Variants in ZC3H7A observed in about 807,000 individuals in gnomAD.
ZC3H7A encodes zinc finger CCCH domain-containing protein 7A.
A neutral mutation model predicts 125.5 loss-of-function variants in ZC3H7A; 44 were observed. The ratio of observed to expected loss-of-function variants is 0.35; its 90% confidence interval spans 0.28 to 0.45. ZC3H7A has a LOEUF of 0.45. Among genes scored for constraint, ZC3H7A ranks in the 20% least tolerant of loss-of-function variants. The pLI is 1.00. For missense variants in ZC3H7A, 977 were observed against 1,170.7 expected, an observed-to-expected ratio of 0.83 and a Z score of 2.41; for synonymous variants, 399 against 391.2, an observed-to-expected ratio of 1.02 and a Z score of -0.23.
intron 1 of ZC3H7A, among the ~76,000 whole-genome samples, chr16:11,790,241 T>C (rs947596956): frequency 2.0e-5 from 3 of 152,138 alleles, no homozygotes; most frequent in Admixed American, 2.0e-4. Context: ...TGTGCATCCT[T>C]GTGAACCAAA....
At position 11,765,231 on chromosome 16, in the gene ZC3H7A, T is replaced by C; in HGVS notation, c.1720-78A>G. On this transcript the variant is annotated intron_variant, in intron 14 of 22. Coordinates refer to ENST00000355758, the MANE Select transcript of ZC3H7A (RefSeq NM_014153.4). The surrounding 1 kb of genome is among the most constrained non-coding windows in gnomAD (Gnocchi z 4.8). ...ACCCAGAATATTGTCCTAGTTTCAATATCATTACAAAATTAATATTCAATA... is the reference window on the plus strand; with the variant it reads ...ACCCAGAATATTGTCCTAGTTTCAACATCATTACAAAATTAATATTCAATA... 1.1e-6 allele frequency: 1 copy of C among 928,448 alleles called. No homozygotes were observed. Among genetic ancestry groups the C allele is most frequent in the Non-Finnish European group, 1.5e-6 (1 of 645,282 alleles). 57.5% of individuals were successfully genotyped at this position (928,448 alleles called of 1,614,324 possible).
At chr16:11,769,994 C>T (rs1003391740) in intron 10 of ZC3H7A, among the ~76,000 whole-genome samples, 2 of 151,336 alleles carry the variant, frequency 1.3e-5, no homozygotes, top group Non-Finnish European at 2.9e-5. Flanking sequence ...ACCATGTTGC[C>T]CAGGCTGGTC....
chr16:11,772,877 TG>T (rs752378398), intron 9 of ZC3H7A, among the ~76,000 whole-genome samples: 1 of 151,770 alleles, frequency 6.6e-6, no homozygotes, highest in Non-Finnish European at 1.5e-5. Flanking sequence ...TTGTGATTTT[TG>T]GTAGAGGCAG....
intron 19 of ZC3H7A, 44 bp downstream of exon 19, chr16:11,761,362 A>G (rs756361584): frequency 6.4e-7 from 1 of 1,553,818 alleles, no homozygotes; most frequent in Admixed American, 1.7e-5. Flanking sequence ...TAATGATTTG[A>G]AATGCCTAAT....
In ZC3H7A at chr16:11,770,892, C is replaced by T. The variant is rs2052967682; in HGVS notation, c.999G>A (p.Ala333=). ...ASLLGTLPIG[A]RYAPPPSFSE... is the part of the protein sequence containing the mutation. ...AGAAGGAGGGTGGAGGAGCATACCT[C>T]GCACCAATGGGTAAGGTTCCTAACA... is the stretch of plus-strand genomic sequence containing the variant. Residue 333 remains alanine (A), a synonymous_variant, in exon 10 of 23, where the codon GCG becomes GCA. Transcript: ENST00000355758. The T allele has an allele frequency of 3.1e-6, 5 of 1,614,118 alleles. No homozygotes were observed. The highest frequency in any genetic ancestry group is 3.4e-6 in the Non-Finnish European group (4 of 1,180,012).
intron 3 of ZC3H7A, 46 bp from the exon 4 acceptor site, chr16:11,779,409 T>A: frequency 6.4e-7 from 1 of 1,550,584 alleles, no homozygotes; most frequent in East Asian, 2.2e-5. Flanking sequence ...TCAAACAAGA[T>A]ATGGTATAAG....
At chr16:11,757,653 T>G (rs923460909) in intron 20 of ZC3H7A, among the ~76,000 whole-genome samples, 1 of 152,146 alleles carries the variant, frequency 6.6e-6, no homozygotes, top group African/African-American at 2.4e-5. Context: ...TGCTTCTTCC[T>G]TAAGACCAGT....
chr16:11,786,531 C>T (rs533508845), intron 1 of ZC3H7A, among the ~76,000 whole-genome samples: 24 of 152,282 alleles, frequency 1.6e-4, no homozygotes, highest in Non-Finnish European at 2.1e-4. Flanking sequence ...CCTTGAACCT[C>T]AACCTTATAC....
rs1020931870 is a variant in ZC3H7A, at chr16:11,767,662, AGAT to A, written c.1361-87_1361-85del. On this transcript the variant is annotated intron_variant, in intron 12 of 22. Coordinates refer to ENST00000355758, the MANE Select transcript of ZC3H7A (RefSeq NM_014153.4). ...GGTAAATTTACAAGCAGACATGAAC[AGAT>A]GAACATCAATTATTAAATTCCCACA... 22 of 1,285,238 alleles carry A rather than the reference AGAT, an allele frequency of 1.7e-5. No homozygotes were observed. In the African/African-American group the frequency reaches 3.2e-4, roughly 19 times the overall value. The allele number at this position is 1,285,238 out of a possible 1,614,324, so 79.6% of individuals were successfully genotyped here.
intron 19 of ZC3H7A, among the ~76,000 whole-genome samples, chr16:11,760,137 A>AGAAAAAAAAAAAAAAG (rs1250974600): frequency 7.3e-6 from 1 of 137,640 alleles, no homozygotes; most frequent in Non-Finnish European, 1.6e-5. Flanking sequence ...AAAAAAAAAA[A>AGAAAAAAAAAAAAAAG]AAAAAAAAGA....
intron 1 of ZC3H7A, among the ~76,000 whole-genome samples, chr16:11,783,200 C>T (rs1163558493): frequency 6.6e-6 from 1 of 152,132 alleles, no homozygotes; most frequent in African/African-American, 2.4e-5. Flanking sequence ...TTTTGTCCCA[C>T]AAACTTCCAA....
At position 11,752,746 on chromosome 16, in the gene ZC3H7A, C is replaced by T. The variant is rs761453940; in HGVS notation, c.2649G>A (p.Glu883=). The T allele has an allele frequency of 4.3e-6, 7 of 1,614,074 alleles. No individual in the cohort carries two copies. The African/African-American group carries it at 9.3e-5, about 22-fold the overall frequency. Reference sequence around the variant, plus strand: ...GGTCGTCCTCGGTGTGGAAAACCTTCTCTTTGTGCTTCTCGGAGGAGATGT... The same window carrying T: ...GGTCGTCCTCGGTGTGGAAAACCTTTTCTTTGTGCTTCTCGGAGGAGATGT... ...QGHISSEKHK[E]KVFHTEDDQY... is the part of the protein sequence containing the mutation. Residue 883 remains glutamate (E), a synonymous_variant, in exon 22 of 23, where the codon GAG becomes GAA. Transcript: ENST00000355758.
At chr16:11,764,950 C>T (rs550622422) in intron 15 of ZC3H7A, 103 bp downstream of exon 15, 9 of 729,718 alleles carry the variant, frequency 1.2e-5, no homozygotes, top group East Asian at 3.1e-5. Context: ...AACAACATAA[C>T]GATGAAAGGG....
chr16:11,762,859 C>A, intron 16 of ZC3H7A, 112 bp from the exon 17 acceptor site: 1 of 913,934 alleles, frequency 1.1e-6, no homozygotes, highest in East Asian at 2.5e-5. Flanking sequence ...TCTCATACCT[C>A]CTAATCCATC....
At chr16:11,764,464 G>C (rs1426571175) in intron 15 of ZC3H7A, among the ~76,000 whole-genome samples, 3 of 151,960 alleles carry the variant, frequency 2.0e-5, no homozygotes, top group African/African-American at 7.3e-5. Context: ...CAGGAGAATC[G>C]CTTGAACTCG....
At chr16:11,794,033 C>A (rs1226793580) in intron 1 of ZC3H7A, among the ~76,000 whole-genome samples, 1 of 152,220 alleles carries the variant, frequency 6.6e-6, no homozygotes, top group Admixed American at 6.5e-5. Flanking sequence ...CCCTCGGCAC[C>A]CACGCCCTGC....
chr16:11,795,373 G>A (rs2053420195), intron 1 of ZC3H7A, among the ~76,000 whole-genome samples: 1 of 152,220 alleles, frequency 6.6e-6, no homozygotes, highest in Non-Finnish European at 1.5e-5. Context: ...GCGCTGTCCA[G>A]TCGAAATATT....
At chr16:11,758,054 C>T (rs1025866473) in intron 20 of ZC3H7A, among the ~76,000 whole-genome samples, 1 of 152,110 alleles carries the variant, frequency 6.6e-6, no homozygotes, top group African/African-American at 2.4e-5. Flanking sequence ...AAGAAACTGC[C>T]AATTCTAACC....
intron 15 of ZC3H7A, among the ~76,000 whole-genome samples, chr16:11,764,112 T>C (rs1366485448): frequency 2.0e-5 from 3 of 151,950 alleles, no homozygotes; most frequent in Non-Finnish European, 2.9e-5. Context: ...TAAATTTTTA[T>C]CGGAAAAAAA....
Sources: allele counts gnomAD v4.1 joint callset (sites outside exome capture counted in the v4.1 genomes callset), GRCh38; gene constraint gnomAD v4.1.1; non-coding constraint Gnocchi (gnomAD v3.1); transcripts MANE v1.5; gene names NCBI Gene and HGNC (gene_info 2026-07-23, HGNC 2026-07-21).